Variants in PADI4 observed in about 807,000 individuals in gnomAD.
PADI4 encodes protein-arginine deiminase type-4.
Under a neutral mutation model 75.0 loss-of-function variants are expected in PADI4, and 62 were observed. The observed-to-expected ratio is 0.83, with a 90% CI of 0.67 to 1.02. PADI4 has a LOEUF of 1.02. PADI4 is among the 50% of genes least tolerant of loss of function. The pLI is 0.00. For synonymous variants in PADI4, 361 were observed against 348.1 expected, an observed-to-expected ratio of 1.04 and a Z score of -0.41; for missense variants, 845 against 850.5, an observed-to-expected ratio of 0.99 and a Z score of 0.08.
At chr1:17,330,303 T>C (rs190039024) in intron 1 of PADI4, among the ~76,000 whole-genome samples, 17 of 152,262 alleles carry the variant, frequency 1.1e-4, no homozygotes, top group Admixed American at 1.0e-3. Context: ...TGCTGTTTGG[T>C]TTTTACACCT....
chr1:17,362,335 G>T (rs2074858054), intron 15 of PADI4, among the ~76,000 whole-genome samples: 1 of 120,220 alleles, frequency 8.3e-6, no homozygotes, highest in African/African-American at 3.3e-5. Context: ...CCTGGGTGAA[G>T]AGTAAGACCC....
chr1:17,358,644 T>C (rs1042227778), intron 13 of PADI4, among the ~76,000 whole-genome samples, 194 bp from the exon 14 acceptor site: 1 of 151,964 alleles, frequency 6.6e-6, no homozygotes, highest in Non-Finnish European at 1.5e-5. Context: ...ACATTTTTAA[T>C]GAGAACTTAT....
In PADI4 at chr1:17,332,685, G is replaced by T. The variant is rs1461377453; in HGVS notation, c.274-1258G>T. On this transcript the variant is annotated intron_variant, in intron 2 of 15. Coordinates refer to ENST00000375448, the MANE Select transcript of PADI4 (RefSeq NM_012387.3). Reference sequence around the variant, plus strand: ...TACTACACCCCCTTTGCCTGTAGATGGGCTCAACAGGACCCTCTGGGGTTC... The same window carrying T: ...TACTACACCCCCTTTGCCTGTAGATTGGCTCAACAGGACCCTCTGGGGTTC... 2.0e-5 allele frequency among the ~76,000 whole-genome samples: 3 copies of T among 152,286 alleles called. No homozygotes were observed. In the East Asian group the frequency reaches 5.8e-4, roughly 29 times the overall value.
At chr1:17,322,775 C>T (rs2074053196) in intron 1 of PADI4, among the ~76,000 whole-genome samples, 1 of 151,992 alleles carries the variant, frequency 6.6e-6, no homozygotes, top group South Asian at 2.1e-4. Flanking sequence ...TTCTTCTAGG[C>T]AATTTATGTC....
At chr1:17,359,179 G>C (rs953953870) in intron 14 of PADI4, 101 bp from the exon 15 acceptor site, 1 of 877,430 alleles carries the variant, frequency 1.1e-6, no homozygotes, top group African/African-American at 1.7e-5. Flanking sequence ...CACTGTCCCA[G>C]GTCCTACCCT....
intron 6 of PADI4, among the ~76,000 whole-genome samples, chr1:17,340,621 G>T (rs1286028362): frequency 6.6e-6 from 1 of 151,960 alleles, no homozygotes; most frequent in Admixed American, 6.6e-5. Flanking sequence ...GTTAAAGTGG[G>T]GGATGAGGGT....
At chr1:17,334,918 G>T in intron 3 of PADI4, 1 of 238,496 alleles carries the variant, frequency 4.2e-6, no homozygotes, top group South Asian at 4.3e-5. Flanking sequence ...GAGGCAGGAG[G>T]ATCGCTTGAG....
chr1:17,347,739 C>A (rs554902569), intron 9 of PADI4, among the ~76,000 whole-genome samples: 33 of 152,360 alleles, frequency 2.2e-4, no homozygotes, highest in African/African-American at 7.7e-4. Flanking sequence ...CTCCTGCAGG[C>A]TCATGGCCTC....
chr1:17,321,846 G>A (rs1398142181), intron 1 of PADI4, among the ~76,000 whole-genome samples: 3 of 152,214 alleles, frequency 2.0e-5, no homozygotes, highest in East Asian at 3.8e-4. Context: ...CTCTGAAGAT[G>A]ATTTTGAGGC....
chr1:17,359,090 C>A (rs1020662876), intron 14 of PADI4, among the ~76,000 whole-genome samples, 182 bp downstream of exon 14: 1 of 152,132 alleles, frequency 6.6e-6, no homozygotes, highest in Non-Finnish European at 1.5e-5. Context: ...GAATGGGAGG[C>A]CCCAGGGTCC....
intron 1 of PADI4, among the ~76,000 whole-genome samples, chr1:17,316,603 T>C (rs886485653): frequency 6.6e-6 from 1 of 151,338 alleles, no homozygotes; most frequent in African/African-American, 2.4e-5. Context: ...GGCAGGAGAA[T>C]GGCATGAACC....
At chr1:17,358,719 G>T (rs2074801831) in intron 13 of PADI4, 119 bp from the exon 14 acceptor site, 1 of 707,228 alleles carries the variant, frequency 1.4e-6, no homozygotes, top group South Asian at 1.6e-5. Flanking sequence ...TGTATGGTAA[G>T]AATTATTACT....
At chr1:17,343,213 AAAATTAAATT>A (rs370215810) in intron 8 of PADI4, among the ~76,000 whole-genome samples, 1 of 152,104 alleles carries the variant, frequency 6.6e-6, no homozygotes, top group Non-Finnish European at 1.5e-5. Context: ...ATAAAAATTA[AAAATTAAATT>A]AAATTAAATT....
intron 9 of PADI4, among the ~76,000 whole-genome samples, chr1:17,347,409 T>C (rs1216445737): frequency 6.6e-6 from 1 of 152,124 alleles, no homozygotes; most frequent in East Asian, 1.9e-4. Context: ...AGGCGGAATT[T>C]TCAGCAGATT....
chr1:17,335,206 TTTCA>T (rs2074289038), intron 3 of PADI4, among the ~76,000 whole-genome samples: 1 of 152,214 alleles, frequency 6.6e-6, no homozygotes. Flanking sequence ...TCAGGTTTCA[TTTCA>T]TTAATGCATT....
chr1:17,332,662 C>T (rs2074235466), intron 2 of PADI4, among the ~76,000 whole-genome samples: 1 of 152,168 alleles, frequency 6.6e-6, no homozygotes, highest in Non-Finnish European at 1.5e-5. Context: ...ATTCCACCTA[C>T]TACACCCCCT....
intron 1 of PADI4, among the ~76,000 whole-genome samples, chr1:17,322,420 C>T (rs976091571): frequency 8.5e-4 from 129 of 151,990 alleles, no homozygotes; most frequent in Non-Finnish European, 4.7e-4. Flanking sequence ...ACCTGGGAGG[C>T]GGAGGCTGCG....
At chr1:17,314,694 A>G (rs2073902062) in intron 1 of PADI4, among the ~76,000 whole-genome samples, 1 of 152,172 alleles carries the variant, frequency 6.6e-6, no homozygotes, top group South Asian at 2.1e-4. Flanking sequence ...AAGCAGCCCA[A>G]GGTCATTGCC....
intron 1 of PADI4, among the ~76,000 whole-genome samples, chr1:17,319,916 A>G (rs1459941495): frequency 6.6e-6 from 1 of 152,218 alleles, no homozygotes; most frequent in African/African-American, 2.4e-5. Flanking sequence ...TATGTACGAA[A>G]AAACCTTTCA....
Sources: allele counts gnomAD v4.1 joint callset (sites outside exome capture counted in the v4.1 genomes callset), GRCh38; gene constraint gnomAD v4.1.1; transcripts MANE v1.5; gene names NCBI Gene and HGNC (gene_info 2026-07-23, HGNC 2026-07-21).